The following TTN variants were observed in gnomAD, a reference collection of about 807,000 sequenced individuals.
The protein encoded by TTN is titin.
In TTN, 1,525 loss-of-function variants were observed where a neutral mutation model predicts 3,223.0. The ratio of observed to expected loss-of-function variants is 0.47; its 90% CI spans 0.45 to 0.49. The LOEUF (loss-of-function observed/expected upper bound fraction) is 0.49. Among genes scored for constraint, TTN ranks in the 20% least tolerant of loss-of-function variants. TTN has a pLI of 0.00. For missense variants in TTN, 40,786 were observed against 43,424.0 expected, an observed-to-expected ratio of 0.94 and a Z score of 5.40; for synonymous variants, 14,094 against 15,161.0, an observed-to-expected ratio of 0.93 and a Z score of 5.17.
At chr2:178,582,640 A>G (rs1052234798) in intron 313 of TTN, 48 bp from the exon 314 acceptor site, 8 of 1,539,590 alleles carry the variant, frequency 5.2e-6, no homozygotes, top group Non-Finnish European at 7.0e-6. Context: ...GGGAATGAGT[A>G]TAGAGTAGAG....
intron 313 of TTN, 164 bp from the exon 314 acceptor site, chr2:178,582,756 A>G (rs2048071736): frequency 2.2e-6 from 2 of 920,726 alleles, no homozygotes; most frequent in Non-Finnish European, 3.0e-6. Context: ...AAATTAGGTA[A>G]TTGAAATATG....
chr2:178,561,578 C>T lies in TTN; in HGVS notation c.84554G>A (p.Arg28185Gln), dbSNP rs371516793. 1.9e-5 allele frequency: 30 copies of T among 1,613,210 alleles called. No individual in the cohort carries two copies. In the East Asian group the frequency reaches 2.7e-4, roughly 14 times the overall value. ...ATACTCAAGATGATAGCCAATTACT[C>T]GACTTCCTCCATCATTAACTGGCAC... ...WQVPVNDGGS[R>Q]VIGYHLEYKE... The change falls in exon 326 of 363, where the codon CGA becomes CAA. Residue 28185 changes from arginine (R) to glutamine (Q), a missense_variant. Physicochemically the swap from Arg to Gln is conservative, Grantham distance 43. Coordinates refer to ENST00000589042, the MANE Select transcript of TTN (RefSeq NM_001267550.2).
intron 106 of TTN, 125 bp downstream of exon 106, chr2:178,704,022 G>T: frequency 8.2e-7 from 1 of 1,226,086 alleles, no homozygotes; most frequent in Non-Finnish European, 1.1e-6. Flanking sequence ...ATGAGAACGT[G>T]TGTTGGGAAA....
chr2:178,597,530 G>GT lies in TTN; in HGVS notation c.57544+7dup, dbSNP rs750881309. 1.0e-4 allele frequency: 160 copies of GT among 1,607,280 alleles called. No homozygotes were observed. The highest frequency in any genetic ancestry group is 1.3e-4 in the Non-Finnish European group (152 of 1,176,952). ...AAAAAGTTGCACAGACAAATTGAAA[G>GT]TATTTACCTAATACATCAACAATAA... On this transcript the variant is annotated splice_region_variant and intron_variant, in intron 294 of 362. Coordinates refer to ENST00000589042, the MANE Select transcript of TTN (RefSeq NM_001267550.2).
rs778616765 is a variant in TTN, at chr2:178,548,862, C to T, written c.92764G>A (p.Ala30922Thr). The change falls in exon 339 of 363, where the codon GCT becomes ACT. Residue 30922 changes from alanine to threonine, a missense_variant. Coordinates refer to ENST00000589042, the MANE Select transcript of TTN (RefSeq NM_001267550.2). This position sits in a 1 kb window ranked among gnomAD's most constrained non-coding sequence, Gnocchi z 4.3. ...TTTGCATCTATGTCTAACTCAGGAGCTGTTAACCGGTCAACTGCTTTAATT... is the reference window on the plus strand; with the variant it reads ...TTTGCATCTATGTCTAACTCAGGAGTTGTTAACCGGTCAACTGCTTTAATT... ...GTIKAVDRLT[A>T]PELDIDANFK... 6.2e-7 allele frequency: 1 copy of T among 1,613,622 alleles called. No individual in the cohort carries two copies. Among genetic ancestry groups the T allele is most frequent in the Non-Finnish European group, 8.5e-7 (1 of 1,179,820 alleles).
intron 330 of TTN, 83 bp downstream of exon 330, chr2:178,556,765 T>A: frequency 6.7e-7 from 1 of 1,491,906 alleles, no homozygotes; most frequent in Non-Finnish European, 9.1e-7. Flanking sequence ...TAAAAGTTAT[T>A]CTATAGGATT....
chr2:178,563,016 C>T lies in TTN; in HGVS notation c.83116G>A (p.Glu27706Lys), dbSNP rs72648217. The T allele has an allele frequency of 2.3e-5, 37 of 1,613,650 alleles. No homozygotes were observed. Among genetic ancestry groups the T allele is most frequent in the South Asian group, 1.3e-4 (12 of 91,078 alleles). The change falls in exon 326 of 363, where the codon GAA (glutamate) becomes AAA (lysine). Residue 27706 changes from glutamate to lysine, a missense_variant. By Grantham distance (56) the Glu-to-Lys change is moderately conservative (BLOSUM62 1). Transcript: ENST00000589042. The surrounding 1 kb of genome is among the most constrained non-coding windows in gnomAD (Gnocchi z 4.5). Reference protein sequence around the residue: ...FVTIKGRPEPEVKWEKAEGIL... With the variant: ...FVTIKGRPEPKVKWEKAEGIL... ...CCTTCTGCCTTTTCCCATTTAACTTCGGGTTCTGGTCGACCTTTGATAGTG... is the reference window on the plus strand; with the variant it reads ...CCTTCTGCCTTTTCCCATTTAACTTTGGGTTCTGGTCGACCTTTGATAGTG...
intron 150 of TTN, 121 bp downstream of exon 150, chr2:178,674,918 T>A: frequency 1.9e-6 from 1 of 513,720 alleles, no homozygotes; most frequent in Non-Finnish European, 3.3e-6. Flanking sequence ...AATAATAATT[T>A]ATTTTAGAAT....
At position 178,740,674 on chromosome 2, in the gene TTN, T is replaced by C; in HGVS notation, c.12559A>G (p.Ser4187Gly). ...TTAATTTGTTCTATGGACATGGCACTTGGGAAGATTTTCTCGGTATCTGAT... is the reference window on the plus strand; with the variant it reads ...TTAATTTGTTCTATGGACATGGCACCTGGGAAGATTTTCTCGGTATCTGAT... ...VLSDTEKIFP[S>G]AMSIEQINSL... The change falls in exon 48 of 363, where the codon AGT (serine) becomes GGT (glycine). Residue 4187 changes from serine (S) to glycine (G), a missense_variant. Physicochemically the swap from Ser to Gly is moderately conservative, Grantham distance 56. Coordinates refer to ENST00000589042, the MANE Select transcript of TTN (RefSeq NM_001267550.2). 6.2e-7 allele frequency: 1 copy of C among 1,613,848 alleles called. No individual in the cohort carries two copies. The highest frequency in any genetic ancestry group is 8.5e-7 in the Non-Finnish European group (1 of 1,179,804).
At position 178,589,074 on chromosome 2, in the gene TTN, C is replaced by A. The variant is rs773806020; in HGVS notation, c.62651G>T (p.Cys20884Phe). 9 of 1,609,412 alleles carry A rather than the reference C, an allele frequency of 5.6e-6. No individual in the cohort carries two copies. The highest frequency in any genetic ancestry group is 7.6e-6 in the Non-Finnish European group (9 of 1,179,578). ...VDVSSDRCTV[C>F]WDPPEDDGGC... ...ACCATCATCTTCTGGTGGATCCCAG[C>A]AAACAGTACACCTATCACTGGACAC... The change falls in exon 304 of 363, where the codon TGC becomes TTC. Residue 20884 changes from cysteine (C) to phenylalanine (F), a missense_variant. Coordinates refer to ENST00000589042, the MANE Select transcript of TTN (RefSeq NM_001267550.2).
At chr2:178,631,536 C>T (rs2059803103) in intron 236 of TTN, among the ~76,000 whole-genome samples, 1 of 152,060 alleles carries the variant, frequency 6.6e-6, no homozygotes, top group Non-Finnish European at 1.5e-5. Context: ...ATTTTATTAA[C>T]AGTAGCTAAA....
intron 8 of TTN, 51 bp downstream of exon 8, chr2:178,794,348 T>G (rs777425211): frequency 1.2e-6 from 2 of 1,612,160 alleles, no homozygotes; most frequent in South Asian, 2.2e-5. Context: ...TGAGTTAATG[T>G]GCACTGAAGG....
chr2:178,724,602 A>G, intron 71 of TTN, 64 bp from the exon 72 acceptor site: 2 of 1,451,818 alleles, frequency 1.4e-6, no homozygotes, highest in East Asian at 2.4e-5. Flanking sequence ...CTACTATCAC[A>G]TTCACTAAGA....
intron 6 of TTN, 45 bp from the exon 7 acceptor site, chr2:178,795,297 G>A: frequency 1.3e-6 from 2 of 1,577,172 alleles, no homozygotes; most frequent in Non-Finnish European, 1.7e-6. Context: ...AGCAAGGAGG[G>A]GTAACTGGAT....
chr2:178,534,670 T>C lies in TTN; in HGVS notation c.101945A>G (p.Tyr33982Cys), dbSNP rs888342815. 6.2e-7 allele frequency: 1 copy of C among 1,613,690 alleles called. No homozygotes were observed. Among genetic ancestry groups the C allele is most frequent in the African/African-American group, 1.3e-5 (1 of 74,912 alleles). Residue 33982 changes from tyrosine (Y) to cysteine (C), a missense_variant, in exon 358 of 363, where the codon TAT becomes TGT. Tyr to Cys is a radical substitution (Grantham distance 194). Coordinates refer to ENST00000589042, the MANE Select transcript of TTN (RefSeq NM_001267550.2). The part of the protein sequence containing the change: ...FRLLFTAPEY[Y>C]APEVHQHDVV... ...ATCATGCTGGTGGACTTCAGGTGCA[T>C]AGTATTCTGGGGCAGTGAATAGAAG...
intron 31 of TTN, 47 bp from the exon 32 acceptor site, chr2:178,773,772 T>A: frequency 6.2e-7 from 1 of 1,614,088 alleles, no homozygotes; most frequent in South Asian, 1.1e-5. Flanking sequence ...GTTGAAATTG[T>A]CTGCTCCTTG....
Position 178,740,599 on chromosome 2 carries a change from T to A in TTN, c.12634A>T (p.Asn4212Tyr). 13 of 1,613,878 alleles carry A rather than the reference T, an allele frequency of 8.1e-6. No homozygotes were observed. Among genetic ancestry groups the A allele is most frequent in the Non-Finnish European group, 1.1e-5 (13 of 1,179,832 alleles). ...GGTTCTATTGAAGACTGTGGATAAT[T>A]CCCTTCAGGTTCAGCTAATAAAGTT... is the stretch of plus-strand genomic sequence containing the variant. ...LKTLLAEPEG[N>Y]YPQSSIEPPM... The change falls in exon 48 of 363, where the codon AAT becomes TAT. Residue 4212 changes from asparagine (N) to tyrosine (Y), a missense_variant. Physicochemically the swap from Asn to Tyr is moderately radical, Grantham distance 143. Coordinates refer to ENST00000589042, the MANE Select transcript of TTN (RefSeq NM_001267550.2).
At chr2:178,681,881 C>T (rs1056368222) in intron 135 of TTN, 143 bp from the exon 136 acceptor site, 2 of 605,596 alleles carry the variant, frequency 3.3e-6, no homozygotes, top group African/African-American at 3.9e-5. Context: ...ATCAGAGATC[C>T]AAGCAGAACA....
At position 178,571,243 on chromosome 2, in the gene TTN, A is replaced by G. The variant is rs761396551; in HGVS notation, c.74889T>C (p.Ile24963=). The G allele has an allele frequency of 6.2e-7, 1 of 1,613,468 alleles. No homozygotes were observed. Among genetic ancestry groups the G allele is most frequent in the Non-Finnish European group, 8.5e-7 (1 of 1,179,618 alleles). ...ILWVKLNKTP[I]PQTKFKTTGL... ...CAGTTGTCTTAAACTTGGTTTGAGG[A>G]ATAGGTGTTTTATTCAACTTAACCC... Residue 24963 remains isoleucine, a synonymous_variant, in exon 326 of 363, where the codon ATT becomes ATC. Transcript: ENST00000589042.
Sources: allele counts gnomAD v4.1 joint callset (sites outside exome capture counted in the v4.1 genomes callset), GRCh38; gene constraint gnomAD v4.1.1; non-coding constraint Gnocchi (gnomAD v3.1); transcripts MANE v1.5; gene names NCBI Gene and HGNC (gene_info 2026-07-23, HGNC 2026-07-21).